The following PCDHGA9 variants were observed in gnomAD, a reference collection of about 807,000 sequenced individuals.
The protein encoded by PCDHGA9 is protocadherin gamma-A9.
Under a neutral mutation model 62.5 loss-of-function variants are expected in PCDHGA9, and 37 were observed. That is an observed-to-expected ratio of 0.59 (90% confidence interval 0.46 to 0.78). PCDHGA9 has a LOEUF of 0.78. Ranked by LOEUF, PCDHGA9 falls within the 30% of genes least tolerant of loss-of-function variation. The probability of loss-of-function intolerance (pLI) is 0.00; values close to 1 mark genes in which losing one functional copy is unlikely to be tolerated. For synonymous variants in PCDHGA9, 459 were observed against 484.6 expected (o/e 0.95, Z 0.69); for missense variants, 1,138 against 1,166.2 (o/e 0.98, Z 0.35).
chr5:141,421,383 C>A lies in PCDHGA9; in HGVS notation c.2424+16007C>A, dbSNP rs754951142. The A allele has an allele frequency of 2.5e-6, 4 of 1,614,034 alleles. 1 individual carries two copies. The highest frequency in any genetic ancestry group is 8.5e-7 in the Non-Finnish European group (1 of 1,179,910). On this transcript the variant is annotated intron_variant, in intron 1 of 3. Transcript: ENST00000573521. ...CCTTCGTGGGCAATATCTCCAAGGA[C>A]CTGGGGCTGGAGCCCCGGGAGCTGG...
chr5:141,501,141 A>G (rs940603527), intron 2 of PCDHGA9, among the ~76,000 whole-genome samples: 8 of 152,184 alleles, frequency 5.3e-5, no homozygotes, highest in Admixed American at 5.2e-4. Context: ...TGCTGGGATT[A>G]CAGGTGGGAG....
intron 1 of PCDHGA9, chr5:141,423,597 G>A: frequency 6.2e-7 from 1 of 1,613,188 alleles, no homozygotes; most frequent in Non-Finnish European, 8.5e-7. Context: ...AGAAAAGCGA[G>A]CCACTCTTGA....
chr5:141,448,983 T>G (rs1157371020), intron 1 of PCDHGA9, among the ~76,000 whole-genome samples: 1 of 152,004 alleles, frequency 6.6e-6, no homozygotes, highest in East Asian at 1.9e-4. Flanking sequence ...ACTTCCATAT[T>G]AATATATAGA....
At chr5:141,500,241 C>T (rs1284996879) in intron 2 of PCDHGA9, among the ~76,000 whole-genome samples, 18 of 150,770 alleles carry the variant, frequency 1.2e-4, no homozygotes, top group Non-Finnish European at 1.5e-5. Flanking sequence ...CGTAGCCTTG[C>T]TCTGTCACCC....
intron 1 of PCDHGA9, among the ~76,000 whole-genome samples, chr5:141,456,969 A>G (rs2098901241): frequency 1.4e-5 from 2 of 147,268 alleles, no homozygotes; most frequent in Non-Finnish European, 3.1e-5. Flanking sequence ...TCTCAAAACA[A>G]AACAAACAAA....
In PCDHGA9 at chr5:141,485,051, CCGAACCGCG is replaced by C. The variant is rs2099605816; in HGVS notation, c.2425-9754_2425-9746del. On this transcript the variant is annotated intron_variant, in intron 1 of 3. Coordinates refer to ENST00000573521, the MANE Select transcript of PCDHGA9 (RefSeq NM_018921.3). This position sits in a 1 kb window ranked among gnomAD's most constrained non-coding sequence, Gnocchi z 5.7. ...CGGCGCGTAACCCTTGCGGCGCCGG[CCGAACCGCG>C]CCAGAGCTGGCGCGGGGAAAGGGAG... 1.2e-6 allele frequency: 1 copy of C among 801,304 alleles called. No individual in the cohort carries two copies. Among genetic ancestry groups the C allele is most frequent in the East Asian group, 2.5e-5 (1 of 40,224 alleles). 49.6% of individuals were successfully genotyped at this position (801,304 alleles called of 1,614,324 possible). A position where few individuals can be genotyped will look rare whatever the true frequency, so the allele number is the denominator to read the frequency against.
intron 1 of PCDHGA9, chr5:141,407,937 C>G: frequency 2.0e-6 from 1 of 511,428 alleles, no homozygotes; most frequent in Non-Finnish European, 3.3e-6. Context: ...AGCCTCTGGG[C>G]GCCGCTGTCG....
chr5:141,485,995 T>G lies in PCDHGA9; in HGVS notation c.2425-8812T>G. 1 of 1,614,176 alleles carries G rather than the reference T, an allele frequency of 6.2e-7. No individual in the cohort carries two copies. On this transcript the variant is annotated intron_variant, in intron 1 of 3. Transcript: ENST00000573521. The surrounding 1 kb of genome is among the most constrained non-coding windows in gnomAD (Gnocchi z 5.7). ...CCTCAGACCCGGACCTGGGTCCCAG[T>G]GGTAACGTCACCTTTTATTTCAGTG...
intron 3 of PCDHGA9, 124 bp from the exon 4 acceptor site, chr5:141,510,823 C>A: frequency 6.4e-7 from 1 of 1,562,432 alleles, no homozygotes. Context: ...CCTATATTCC[C>A]AGTGCTCAGC....
chr5:141,464,048 T>C (rs377735829), intron 1 of PCDHGA9, among the ~76,000 whole-genome samples: 1 of 152,260 alleles, frequency 6.6e-6, no homozygotes, highest in South Asian at 2.1e-4. Context: ...GTGGATCACC[T>C]GAGGTCAGGA....
In PCDHGA9 at chr5:141,489,117, T is replaced by A; in HGVS notation, c.2425-5690T>A. On this transcript the variant is annotated intron_variant, in intron 1 of 3. Coordinates refer to ENST00000573521, the MANE Select transcript of PCDHGA9 (RefSeq NM_018921.3). The surrounding 1 kb of genome is among the most constrained non-coding windows in gnomAD (Gnocchi z 4.5). ...AAGAACTGCTGCAAGCAGGCAAACCTCCGAGCAGTTTTTAAGAGGCTGGAA... is the reference window on the plus strand; with the variant it reads ...AAGAACTGCTGCAAGCAGGCAAACCACCGAGCAGTTTTTAAGAGGCTGGAA... The A allele has an allele frequency of 1.4e-5, 5 of 370,102 alleles. No homozygotes were observed. The highest frequency in any genetic ancestry group is 2.3e-5 in the Non-Finnish European group (5 of 214,436). 22.9% of individuals were successfully genotyped at this position (370,102 alleles called of 1,614,324 possible).
chr5:141,477,258 C>A lies in PCDHGA9; in HGVS notation c.2425-17549C>A. ...TTGCTCAGTGTGACTGACCTGGATG[C>A]TGGCGAGAACGGGCTGGTGACCTGC... On this transcript the variant is annotated intron_variant, in intron 1 of 3. Coordinates refer to ENST00000573521, the MANE Select transcript of PCDHGA9 (RefSeq NM_018921.3). The surrounding 1 kb of genome is among the most constrained non-coding windows in gnomAD (Gnocchi z 4.9). 6.2e-7 allele frequency: 1 copy of A among 1,614,208 alleles called. No homozygotes were observed. Among genetic ancestry groups the A allele is most frequent in the Non-Finnish European group, 8.5e-7 (1 of 1,180,042 alleles).
Position 141,432,195 on chromosome 5 carries a change from C to A in PCDHGA9, c.2424+26819C>A, listed in dbSNP as rs1334965321. ...CTCGTCTCTGTGACCGCCCACGACC[C>A]CGACTGTGAAGAGAACGCCCAGATC... On this transcript the variant is annotated intron_variant, in intron 1 of 3. Transcript: ENST00000573521. This position sits in a 1 kb window ranked among gnomAD's most constrained non-coding sequence, Gnocchi z 6.0. 22 of 1,614,088 alleles carry A rather than the reference C, an allele frequency of 1.4e-5. No homozygotes were observed. The highest frequency in any genetic ancestry group is 1.9e-5 in the Non-Finnish European group (22 of 1,180,058).
intron 1 of PCDHGA9, chr5:141,412,359 A>G (rs2095550851): frequency 6.6e-6 from 1 of 152,226 alleles, no homozygotes; most frequent in Non-Finnish European, 1.5e-5. Flanking sequence ...GTTTGTGATT[A>G]CCTGCTTAAT....
intron 1 of PCDHGA9, chr5:141,430,540 G>T: frequency 2.6e-6 from 1 of 386,954 alleles, no homozygotes; most frequent in Admixed American, 4.2e-5. Flanking sequence ...GACTCTGAGC[G>T]CCGCTGTTCA....
intron 3 of PCDHGA9, 96 bp downstream of exon 3, chr5:141,505,577 G>C: frequency 2.5e-6 from 4 of 1,589,854 alleles, no homozygotes; most frequent in Non-Finnish European, 3.4e-6. Flanking sequence ...TGTCAAACCT[G>C]TGTAGTTTCT....
chr5:141,472,371 C>G (rs2099278632), intron 1 of PCDHGA9, among the ~76,000 whole-genome samples: 1 of 151,944 alleles, frequency 6.6e-6, no homozygotes, highest in Admixed American at 6.6e-5. Flanking sequence ...GAAACCCCGT[C>G]TCCACTAAAA....
chr5:141,454,908 C>T (rs1370482009), intron 1 of PCDHGA9, among the ~76,000 whole-genome samples: 3 of 145,392 alleles, frequency 2.1e-5, no homozygotes, highest in Non-Finnish European at 4.5e-5. Context: ...CCCGGGTTCA[C>T]GCCATTCTCC....
Position 141,431,041 on chromosome 5 carries a change from G to C in PCDHGA9, c.2424+25665G>C, listed in dbSNP as rs2097339173. On this transcript the variant is annotated intron_variant, in intron 1 of 3. Coordinates refer to ENST00000573521, the MANE Select transcript of PCDHGA9 (RefSeq NM_018921.3). The surrounding 1 kb of genome is among the most constrained non-coding windows in gnomAD (Gnocchi z 4.8). ...CGGCGGGCAGGATAGACCGGGAGGA[G>C]CTCTGTATGGGGGCCATCAAGTGTC... The C allele has an allele frequency of 6.2e-7, 1 of 1,614,116 alleles. No homozygotes were observed. Among genetic ancestry groups the C allele is most frequent in the Non-Finnish European group, 8.5e-7 (1 of 1,180,046 alleles).
Sources: gnomAD v4.1 joint callset for allele counts (sites outside exome capture counted in the v4.1 genomes callset) on GRCh38, gnomAD v4.1.1 for gene constraint, Gnocchi (gnomAD v3.1) non-coding constraint, MANE v1.5 for transcripts, NCBI Gene and HGNC (gene_info 2026-07-23, HGNC 2026-07-21) for gene names.